The following DYDC2 variants were observed in gnomAD, a reference collection of about 807,000 sequenced individuals.
DYDC2 encodes DPY30 domain containing 2.
DYDC2 carries 19 observed loss-of-function variants against 18.7 expected under a neutral mutation model. The observed-to-expected ratio is 1.02, with a 90% CI of 0.71 to 1.49. DYDC2 has a LOEUF of 1.49. Ranked by LOEUF, DYDC2 falls within the 40% of genes most tolerant of loss-of-function variation. The probability of loss-of-function intolerance (pLI) is 0.00; values close to 1 mark genes in which losing one functional copy is unlikely to be tolerated. For missense variants in DYDC2, 179 were observed against 205.1 expected (o/e 0.87, Z 0.78); for synonymous variants, 63 against 67.6 (o/e 0.93, Z 0.34).
At chr10:80,359,074 C>T (rs971213834) in intron 2 of DYDC2, among the ~76,000 whole-genome samples, 12 of 152,222 alleles carry the variant, frequency 7.9e-5, no homozygotes, top group South Asian at 2.1e-4. Context: ...GCTGCTGGCT[C>T]AGGCAGCCTG....
At chr10:80,360,019 C>T (rs1843618961) in intron 2 of DYDC2, among the ~76,000 whole-genome samples, 1 of 152,216 alleles carries the variant, frequency 6.6e-6, no homozygotes. Context: ...GAGAGGGCTG[C>T]CAGCACGCTG....
At position 80,366,941 on chromosome 10, in the gene DYDC2, C is replaced by G; in HGVS notation, c.524C>G (p.Ser175Cys). The G allele has an allele frequency of 6.2e-7, 1 of 1,612,558 alleles. No individual in the cohort carries two copies. The highest frequency in any genetic ancestry group is 8.5e-7 in the Non-Finnish European group (1 of 1,179,450). ...CATGAAATGCCTCCTGGCTCCAAAT[C>G]TCCTTTTTAGGTTACAGAAGGTAGA... The part of the protein sequence containing the change: ...VAHEMPPGSK[S>C]PF The change falls in exon 5 of 5, where the codon TCT becomes TGT. Residue 175 changes from serine to cysteine, a missense_variant. Transcript: ENST00000256039.
Position 80,363,340 on chromosome 10 carries a change from T to TG in DYDC2, c.270+267_270+268insG. Among the ~76,000 whole-genome samples the TG allele has an allele frequency of 3.5e-4, 4 of 11,550 alleles. No individual in the cohort carries two copies. In the African/African-American group the frequency reaches 4.6e-3, roughly 13 times the overall value. 7.6% of individuals were successfully genotyped at this position (11,550 alleles called of 152,430 possible). A position where few individuals can be genotyped will look rare whatever the true frequency, so the allele number is the denominator to read the frequency against. ...TACTGGTTTTAAAAAAAATCTGTTT[T>TG]TTTTTTTTTTTTTTTTTTTTTTGAG... is the stretch of plus-strand genomic sequence containing the variant. On this transcript the variant is annotated intron_variant, in intron 4 of 4. Coordinates refer to ENST00000256039, the MANE Select transcript of DYDC2 (RefSeq NM_032372.6).
At chr10:80,355,986 T>TA (rs370903702), upstream of DYDC2, among the ~76,000 whole-genome samples, 3,778 of 118,870 alleles carry the variant, frequency 0.032, 164 homozygotes, top group African/African-American at 0.097. Context: ...GAAGTGAAGT[T>TA]AAAAAAAAAA....
intron 4 of DYDC2, among the ~76,000 whole-genome samples, chr10:80,365,708 C>G (rs1306023122): frequency 6.6e-6 from 1 of 152,170 alleles, no homozygotes; most frequent in Admixed American, 6.5e-5. Context: ...TCATAGGTCA[C>G]TGAAGCTTGT....
At chr10:80,364,462 A>G (rs1240828259) in intron 4 of DYDC2, among the ~76,000 whole-genome samples, 1 of 152,222 alleles carries the variant, frequency 6.6e-6, no homozygotes, top group Admixed American at 6.5e-5. Flanking sequence ...TATATAAGGC[A>G]ATAAGAAATA....
At chr10:80,356,190 T>C (rs527855690), upstream of DYDC2, 15 of 951,786 alleles carry the variant, frequency 1.6e-5, no homozygotes, top group South Asian at 6.8e-4. Context: ...AGCATGTTCC[T>C]GTCTGTGAAA....
intron 1 of DYDC2, among the ~76,000 whole-genome samples, chr10:80,350,064 G>A (rs1211222108): frequency 6.6e-6 from 1 of 151,960 alleles, no homozygotes; most frequent in Non-Finnish European, 1.5e-5. Context: ...CTTCATCTCA[G>A]CCACACTCTC....
rs1843485625 is a variant in DYDC2 at position 80,357,908 on chromosome 10, A to C, written c.-147A>C. 2 of 985,392 alleles carry C rather than the reference A, an allele frequency of 2.0e-6. No individual in the cohort carries two copies. The highest frequency in any genetic ancestry group is 5.2e-4 in the Middle Eastern group (1 of 1,914). 61.0% of individuals were successfully genotyped at this position (985,392 alleles called of 1,614,324 possible). A position where few individuals can be genotyped will look rare whatever the true frequency, so the allele number is the denominator to read the frequency against. On this transcript the variant is annotated 5_prime_UTR_variant, in exon 2 of 5. Coordinates refer to ENST00000256039, the MANE Select transcript of DYDC2 (RefSeq NM_032372.6). ...ATATTTACAGAGCTCCCAGTGTGCC[A>C]AGCGTGGGCGGTATACAGTAAACAA...
chr10:80,347,109 T>G (rs1842690150), intron 1 of DYDC2, among the ~76,000 whole-genome samples: 1 of 151,754 alleles, frequency 6.6e-6, no homozygotes, highest in African/African-American at 2.4e-5. Context: ...GCAGCCATCC[T>G]AATAGGGGCG....
upstream of DYDC2, chr10:80,356,705 C>T (rs1054983573): frequency 1.0e-5 from 10 of 983,800 alleles, no homozygotes; most frequent in Non-Finnish European, 1.2e-5. Context: ...CTTTCCGGTG[C>T]GCTCACCCCT....
At chr10:80,356,534 A>G, upstream of DYDC2, 1 of 985,292 alleles carries the variant, frequency 1.0e-6, no homozygotes, top group Non-Finnish European at 1.2e-6. Flanking sequence ...GCTCAGGGGG[A>G]GCAGGAGGAC....
chr10:80,346,444 CTT>C (rs1032729095), intron 1 of DYDC2, among the ~76,000 whole-genome samples: 20 of 83,348 alleles, frequency 2.4e-4, no homozygotes, highest in South Asian at 1.1e-3. Flanking sequence ...TCTTCCCTTT[CTT>C]TTTTTTTTTT....
chr10:80,353,713 T>G (rs539348667), upstream of DYDC2, among the ~76,000 whole-genome samples: 12 of 151,106 alleles, frequency 7.9e-5, no homozygotes, highest in South Asian at 4.2e-4. Context: ...GTGCACTTAC[T>G]CTGTCTGTGC....
At chr10:80,358,780 C>T (rs933708958) in intron 2 of DYDC2, among the ~76,000 whole-genome samples, 1 of 152,164 alleles carries the variant, frequency 6.6e-6, no homozygotes, top group Non-Finnish European at 1.5e-5. Context: ...GGTTCTTGGT[C>T]TCACTGAGTT....
chr10:80,355,527 T>A (rs1296227431), upstream of DYDC2, among the ~76,000 whole-genome samples: 1 of 152,260 alleles, frequency 6.6e-6, no homozygotes, highest in East Asian at 1.9e-4. Context: ...AAATGGCATA[T>A]GCACACAGTT....
Position 80,364,645 on chromosome 10 carries a change from G to T in DYDC2, c.270+1572G>T, listed in dbSNP as rs554066190. The stretch of plus-strand genomic sequence containing the variant: ...TAAGTAAATGGTATGTCATTCTTTT[G>T]CCAAGTGTGTGATGTAGGCAGTTGT... On this transcript the variant is annotated intron_variant, in intron 4 of 4. Transcript: ENST00000256039. Among the ~76,000 whole-genome samples the T allele has an allele frequency of 2.0e-5, 3 of 152,276 alleles. No individual in the cohort carries two copies. The East Asian group carries it at 5.8e-4, about 29-fold the overall frequency.
In DYDC2 at chr10:80,366,699, T is replaced by C. The variant is rs35695306; in HGVS notation, c.282T>C (p.Ser94=). Reference sequence around the variant, plus strand: ...TGTTTTCTATTTAGGAACTGACTTCTGAAACTGTTTCCACGAAGAAGACCA... The same window carrying C: ...TGTTTTCTATTTAGGAACTGACTTCCGAAACTGTTTCCACGAAGAAGACCA... The part of the protein sequence containing the change: ...NCEKCHKELT[S]ETVSTKKTIF... Residue 94 remains serine, a synonymous_variant, in exon 5 of 5, where the codon TCT becomes TCC. Coordinates refer to ENST00000256039, the MANE Select transcript of DYDC2 (RefSeq NM_032372.6). The C allele has an allele frequency of 5.6e-6, 9 of 1,602,770 alleles. No individual in the cohort carries two copies. Among genetic ancestry groups the C allele is most frequent in the Non-Finnish European group, 6.8e-6 (8 of 1,175,242 alleles).
chr10:80,358,085 G>C (rs1240716896), intron 2 of DYDC2, 40 bp downstream of exon 2: 3 of 985,240 alleles, frequency 3.0e-6, no homozygotes, highest in South Asian at 9.4e-5. Context: ...GCTTTAAAAG[G>C]CATCCCCTTG....
Sources: gnomAD v4.1 joint callset for allele counts (sites outside exome capture counted in the v4.1 genomes callset) on GRCh38, gnomAD v4.1.1 for gene constraint, MANE v1.5 for transcripts, NCBI Gene and HGNC (gene_info 2026-07-23, HGNC 2026-07-21) for gene names.